The following DSC1 variants were observed in gnomAD, a reference collection of about 807,000 sequenced individuals.
DSC1 encodes desmocollin 1, also known as desmocollin-1.
In DSC1, 79 loss-of-function variants were observed where a neutral mutation model predicts 98.8. That is an observed-to-expected ratio of 0.80 (90% CI 0.67 to 0.96). The LOEUF is 0.96. Ranked by LOEUF, DSC1 falls within the 50% of genes least tolerant of loss-of-function variation. The pLI, the probability that DSC1 is intolerant of heterozygous loss-of-function variation, is 0.00. For synonymous variants in DSC1, 405 were observed against 372.1 expected (o/e 1.09, Z -1.02); for missense variants, 1,115 against 1,075.9 (o/e 1.04, Z -0.51).
At chr18:31,144,571 T>A (rs1988802503) in intron 7 of DSC1, among the ~76,000 whole-genome samples, 1 of 152,086 alleles carries the variant, frequency 6.6e-6, no homozygotes, top group African/African-American at 2.4e-5. Flanking sequence ...ATAGAGACAG[T>A]AAAAATATCA....
chr18:31,139,956 T>C (rs1048741305), intron 10 of DSC1, 66 bp from the exon 11 acceptor site: 1 of 1,562,426 alleles, frequency 6.4e-7, no homozygotes, highest in South Asian at 1.2e-5. Context: ...AAATCTGTCA[T>C]TTTGAAAAAT....
At chr18:31,160,089 T>A in intron 1 of DSC1, among the ~76,000 whole-genome samples, 1 of 152,150 alleles carries the variant, frequency 6.6e-6, no homozygotes, top group Non-Finnish European at 1.5e-5. Context: ...TCAAATCACA[T>A]GACTAATCTA....
At chr18:31,137,660 A>G (rs1008434161) in intron 11 of DSC1, among the ~76,000 whole-genome samples, 2 of 151,784 alleles carry the variant, frequency 1.3e-5, no homozygotes, top group Non-Finnish European at 2.9e-5. Flanking sequence ...TACAGAAGCC[A>G]CACCATATAT....
At chr18:31,155,967 G>T in intron 4 of DSC1, 76 bp downstream of exon 4, 2 of 1,467,382 alleles carry the variant, frequency 1.4e-6, no homozygotes, top group Non-Finnish European at 1.9e-6. Flanking sequence ...GATTCAATAT[G>T]CTGTGCAATT....
Position 31,139,795 on chromosome 18 carries a change from A to G in DSC1, c.1616T>C (p.Phe539Ser), listed in dbSNP as rs1988690910. The change falls in exon 11 of 16, where the codon TTT becomes TCT. Residue 539 changes from phenylalanine to serine, a missense_variant. By Grantham distance (155) the Phe-to-Ser change is radical (BLOSUM62 -2). Coordinates refer to ENST00000257198, the MANE Select transcript of DSC1 (RefSeq NM_024421.2). Reference sequence around the variant, plus strand: ...AATATTGTATTGGTTGTTTTTTACAAATTTGGATTCTCTATCTAGTACTTT... The same window carrying G: ...AATATTGTATTGGTTGTTTTTTACAGATTTGGATTCTCTATCTAGTACTTT... Reference protein sequence around the residue: ...TLKVLDRESKFVKNNQYNISV... With the variant: ...TLKVLDRESKSVKNNQYNISV... 1.2e-6 allele frequency: 2 copies of G among 1,611,106 alleles called. No homozygotes were observed. The highest frequency in any genetic ancestry group is 1.7e-6 in the Non-Finnish European group (2 of 1,179,016).
At chr18:31,158,206 G>A (rs938325903) in intron 2 of DSC1, among the ~76,000 whole-genome samples, 1 of 152,154 alleles carries the variant, frequency 6.6e-6, no homozygotes, top group East Asian at 1.9e-4. Context: ...GGTGAAGGTT[G>A]CAGTGAGCAG....
chr18:31,154,665 A>C (rs1989060319), intron 5 of DSC1, 109 bp downstream of exon 5: 9 of 1,035,806 alleles, frequency 8.7e-6, no homozygotes, highest in Non-Finnish European at 5.3e-6. Flanking sequence ...AATATCTTGA[A>C]TATTAAATCA....
chr18:31,150,764 G>A (rs546731029), intron 5 of DSC1: 1 of 152,264 alleles, frequency 6.6e-6, no homozygotes, highest in Admixed American at 6.5e-5. Flanking sequence ...ATTTTAGCTG[G>A]ATAAAACTAT....
rs1276418384 is a variant in DSC1, at chr18:31,129,385, C to T, written c.*1129G>A. On this transcript the variant is annotated 3_prime_UTR_variant, in exon 16 of 16. Transcript: ENST00000257198. ...AGTAGCTGGGATTACAGTCATTCGCCACCATGTCCGGCTAATTTCTTATAT... is the reference window on the plus strand; with the variant it reads ...AGTAGCTGGGATTACAGTCATTCGCTACCATGTCCGGCTAATTTCTTATAT... The T allele has an allele frequency of 3.9e-5, 6 of 152,082 alleles. No individual in the cohort carries two copies. The highest frequency in any genetic ancestry group is 3.9e-4 in the Admixed American group (6 of 15,262). The allele number at this position is 152,082 out of a possible 1,614,324, so 9.4% of individuals were successfully genotyped here.
At chr18:31,131,545 C>A in intron 15 of DSC1, 49 bp downstream of exon 15, 1 of 1,599,684 alleles carries the variant, frequency 6.3e-7, no homozygotes, top group South Asian at 1.1e-5. Flanking sequence ...TGATTTATAA[C>A]TAGCATTTAA....
At chr18:31,148,731 A>T in intron 5 of DSC1, 89 bp from the exon 6 acceptor site, 1 of 638,694 alleles carries the variant, frequency 1.6e-6, no homozygotes, top group Non-Finnish European at 2.1e-6. Context: ...ATGTAACATT[A>T]AAAAAAAAAA....
chr18:31,139,733 G>A lies in DSC1; in HGVS notation c.1663+15C>T. The stretch of plus-strand genomic sequence containing the variant: ...GTCATATATTTATATTTTATCTGTA[G>A]AAAATGGCACTCACCTGCATCCACT... On this transcript the variant is annotated intron_variant, in intron 11 of 15. Transcript: ENST00000257198. 3 of 1,561,002 alleles carry A rather than the reference G, an allele frequency of 1.9e-6. No individual in the cohort carries two copies. The highest frequency in any genetic ancestry group is 2.6e-6 in the Non-Finnish European group (3 of 1,156,776).
chr18:31,160,124 G>A (rs1240876857), intron 1 of DSC1, among the ~76,000 whole-genome samples: 1 of 152,058 alleles, frequency 6.6e-6, no homozygotes, highest in Non-Finnish European at 1.5e-5. Flanking sequence ...TCAAAATATG[G>A]AGAGTATCCT....
intron 11 of DSC1, 79 bp from the exon 12 acceptor site, chr18:31,134,863 C>A: frequency 1.5e-6 from 2 of 1,328,656 alleles, no homozygotes; most frequent in Non-Finnish European, 2.1e-6. Context: ...ACACAGTTGA[C>A]ATCTGCTTTC....
At chr18:31,153,036 A>C (rs1397986322) in intron 5 of DSC1, among the ~76,000 whole-genome samples, 2 of 150,338 alleles carry the variant, frequency 1.3e-5, no homozygotes, top group Non-Finnish European at 3.0e-5. Flanking sequence ...TAAAAGTTTA[A>C]CTTTGAGGAT....
intron 15 of DSC1, 66 bp from the exon 16 acceptor site, chr18:31,130,777 G>T (rs1598610708): frequency 6.2e-7 from 1 of 1,611,648 alleles, no homozygotes; most frequent in Non-Finnish European, 8.5e-7. Flanking sequence ...GCAGAAAAAT[G>T]ATGTCTTTGA....
intron 6 of DSC1, among the ~76,000 whole-genome samples, chr18:31,147,429 T>C (rs1192177989): frequency 6.6e-6 from 1 of 152,184 alleles, no homozygotes; most frequent in Non-Finnish European, 1.5e-5. Context: ...AGTAACTTTA[T>C]GTATCAATTA....
chr18:31,162,681 G>T lies in DSC1; in HGVS notation c.-87C>A. 1 of 1,184,570 alleles carries T rather than the reference G, an allele frequency of 8.4e-7. No individual in the cohort carries two copies. Among genetic ancestry groups the T allele is most frequent in the Non-Finnish European group, 1.3e-6 (1 of 796,346 alleles). The allele number at this position is 1,184,570 out of a possible 1,614,324, so 73.4% of individuals were successfully genotyped here. On this transcript the variant is annotated 5_prime_UTR_variant, in exon 1 of 16. Transcript: ENST00000257198. ...AGCGGCTAAGAAGACGCTGGCACTT[G>T]CACAGGGTATTCTGCTGCCACCTTG...
Position 31,137,960 on chromosome 18 carries a change from G to A in DSC1, c.1663+1788C>T, listed in dbSNP as rs1032492285. On this transcript the variant is annotated intron_variant, in intron 11 of 15. Coordinates refer to ENST00000257198, the MANE Select transcript of DSC1 (RefSeq NM_024421.2). ...TCCAGGAATAATCATGAGCATCAGA[G>A]CAAAATGTGTGTGTGTGTGTGTGTG... Among the ~76,000 whole-genome samples the A allele has an allele frequency of 3.6e-5, 5 of 138,768 alleles. No individual in the cohort carries two copies. In the South Asian group the frequency reaches 1.2e-3, roughly 34 times the overall value. The allele number at this position is 138,768 out of a possible 152,430, so 91.0% of individuals were successfully genotyped here. A position where few individuals can be genotyped will look rare whatever the true frequency, so the allele number is the denominator to read the frequency against.
Sources: allele counts gnomAD v4.1 joint callset (sites outside exome capture counted in the v4.1 genomes callset), GRCh38; gene constraint gnomAD v4.1.1; transcripts MANE v1.5; gene names NCBI Gene and HGNC (gene_info 2026-07-23, HGNC 2026-07-21).